INTS14: variants seen among roughly 807,000 people sequenced by gnomAD.
INTS14 encodes integrator complex subunit 14, also known as UPF0464 protein C15orf44.
INTS14 carries 27 observed loss-of-function variants against 56.9 expected under a neutral mutation model. That is an observed-to-expected ratio of 0.47 (90% CI 0.35 to 0.65). The LOEUF is 0.65. Ranked by LOEUF, INTS14 falls within the 30% of genes least tolerant of loss-of-function variation. INTS14 has a pLI of 0.00. For synonymous variants in INTS14, 207 were observed against 236.2 expected, an observed-to-expected ratio of 0.88 and a Z score of 1.13; for missense variants, 517 against 632.2, an observed-to-expected ratio of 0.82 and a Z score of 1.95.
chr15:65,602,584 C>T (rs964627419), intron 3 of INTS14, among the ~76,000 whole-genome samples: 1 of 151,860 alleles, frequency 6.6e-6, no homozygotes, highest in Non-Finnish European at 1.5e-5. Context: ...CGCGCCTGGC[C>T]AAAAATTCCA....
Position 65,579,250 on chromosome 15 carries a change from CATACTA to C in INTS14, c.*152_*157del. 1 of 1,016,208 alleles carries C rather than the reference CATACTA, an allele frequency of 9.8e-7. No individual in the cohort carries two copies. The highest frequency in any genetic ancestry group is 2.7e-5 in the Admixed American group (1 of 37,268). The allele number at this position is 1,016,208 out of a possible 1,614,324, so 62.9% of individuals were successfully genotyped here. A position where few individuals can be genotyped will look rare whatever the true frequency, so the allele number is the denominator to read the frequency against. Reference sequence around the variant, plus strand: ...CAGCCAACCACCTTCACATCCTTCTCATACTAGTAGAGTCATTCAAAACAGCAAGTG... The same window carrying C: ...CAGCCAACCACCTTCACATCCTTCTCGTAGAGTCATTCAAAACAGCAAGTG... On this transcript the variant is annotated 3_prime_UTR_variant, in exon 12 of 12. Coordinates refer to ENST00000313182, the MANE Select transcript of INTS14 (RefSeq NM_001394796.1).
chr15:65,607,356 C>T lies in INTS14; in HGVS notation c.25G>A (p.Val9Ile). The change falls in exon 2 of 12, where the codon GTA becomes ATA. Residue 9 changes from valine (V) to isoleucine (I), a missense_variant. By Grantham distance (29) the Val-to-Ile change is conservative. Transcript: ENST00000313182. ...ACAGGTCGGGTCATGGAAAGGGATA[C>T]ATCCATTACCACCACTGTCGGCATG... MPTVVVMD[V>I]SLSMTRPVSI... 2 of 1,614,180 alleles carry T rather than the reference C, an allele frequency of 1.2e-6. No homozygotes were observed. The highest frequency in any genetic ancestry group is 1.7e-6 in the Non-Finnish European group (2 of 1,180,014).
Position 65,596,719 on chromosome 15 carries a change from T to G in INTS14, c.749-894A>C, listed in dbSNP as rs1358112813. On this transcript the variant is annotated intron_variant, in intron 6 of 11. Transcript: ENST00000313182. ...CCAAGCAGCTGGGATTATAGACATG[T>G]GCCACCACGCCTGGCTAATTTTGTA... is the stretch of plus-strand genomic sequence containing the variant. 2.6e-5 allele frequency among the ~76,000 whole-genome samples: 4 copies of G among 152,130 alleles called. No individual in the cohort carries two copies. In the South Asian group the frequency reaches 6.2e-4, roughly 24 times the overall value.
At chr15:65,603,270 T>C (rs1393494611) in intron 3 of INTS14, among the ~76,000 whole-genome samples, 2 of 152,230 alleles carry the variant, frequency 1.3e-5, no homozygotes, top group Non-Finnish European at 2.9e-5. Context: ...AAAAATGTTT[T>C]TGTTGTTTTC....
chr15:65,593,320 A>G (rs2073098019), intron 8 of INTS14, 108 bp downstream of exon 8: 5 of 1,362,914 alleles, frequency 3.7e-6, no homozygotes, highest in Admixed American at 4.7e-5. Flanking sequence ...AGGAAAAGGA[A>G]AAAGGTGACA....
At chr15:65,608,132 T>G (rs941715944) in intron 1 of INTS14, among the ~76,000 whole-genome samples, 4 of 152,128 alleles carry the variant, frequency 2.6e-5, no homozygotes, top group African/African-American at 7.2e-5. Flanking sequence ...TCCCAACACT[T>G]TGAGAGGCCC....
intron 7 of INTS14, 147 bp downstream of exon 7, chr15:65,595,586 T>G (rs897757381): frequency 6.4e-6 from 4 of 626,370 alleles, no homozygotes; most frequent in Non-Finnish European, 8.3e-6. Flanking sequence ...TTTTGATATA[T>G]TAGGCAATAT....
At chr15:65,604,730 CAAAAA>C (rs1040822777) in intron 3 of INTS14, among the ~76,000 whole-genome samples, 2 of 62,528 alleles carry the variant, frequency 3.2e-5, no homozygotes, top group East Asian at 5.1e-4. Context: ...ACCCTGTCTC[CAAAAA>C]AAAAAAAAAA....
Position 65,579,012 on chromosome 15 carries a change from G to A in INTS14, c.*396C>T, listed in dbSNP as rs1172308096. ...TGAGTTGCTCATTCCATGAACAGAA[G>A]CTTGAAAATGCCCTTACAGTTGAGA... On this transcript the variant is annotated 3_prime_UTR_variant, in exon 12 of 12. Coordinates refer to ENST00000313182, the MANE Select transcript of INTS14 (RefSeq NM_001394796.1). 1 of 169,164 alleles carries A rather than the reference G, an allele frequency of 5.9e-6. No homozygotes were observed. The highest frequency in any genetic ancestry group is 1.3e-5 in the Non-Finnish European group (1 of 78,538). 10.5% of individuals were successfully genotyped at this position (169,164 alleles called of 1,614,324 possible).
intron 3 of INTS14, among the ~76,000 whole-genome samples, chr15:65,604,628 G>C (rs1596266564): frequency 1.3e-5 from 2 of 151,352 alleles, no homozygotes; most frequent in South Asian, 4.2e-4. Flanking sequence ...TACTCAGGAG[G>C]ACGAAGTGGG....
At chr15:65,591,779 T>C (rs1428550038) in intron 8 of INTS14, 48 bp from the exon 9 acceptor site, 3 of 1,598,624 alleles carry the variant, frequency 1.9e-6, no homozygotes, top group Non-Finnish European at 2.6e-6. Context: ...AGCCTGAGAC[T>C]GTCAAGTTAA....
At chr15:65,610,740 T>C (rs1218010309) in intron 1 of INTS14, 1 of 1,535,706 alleles carries the variant, frequency 6.5e-7, no homozygotes, top group Non-Finnish European at 8.7e-7. Context: ...TTCTCAGATA[T>C]AATTTCATCT....
chr15:65,603,997 T>C (rs11629787), intron 3 of INTS14, among the ~76,000 whole-genome samples: 32,123 of 152,152 alleles, frequency 0.21, 3,738 homozygotes, highest in African/African-American at 0.31. Flanking sequence ...ATAGAACAAA[T>C]TTCCAGTTAT....
In INTS14 at chr15:65,579,644, G is replaced by A. The variant is rs764541559; in HGVS notation, c.1321C>T (p.Arg441Ter). The A allele has an allele frequency of 3.1e-6, 5 of 1,613,550 alleles. No homozygotes were observed. Among genetic ancestry groups the A allele is most frequent in the Non-Finnish European group, 4.2e-6 (5 of 1,179,674 alleles). ...QTFYKELNRL[R>*]KAALAFGFLD... ...AAACCAAAGGCTAGAGCGGCCTTTC[G>A]CAAACGGTTCAGCTCCTGAAACAAG... The change falls in exon 12 of 12, where the codon CGA (arginine) becomes TGA (stop). Residue 441 changes from arginine to a stop codon, truncating the protein, a stop_gained. Transcript: ENST00000313182. LOFTEE classifies it high-confidence loss of function.
At chr15:65,588,646 C>T (rs117954972) in intron 9 of INTS14, among the ~76,000 whole-genome samples, 9,411 of 148,626 alleles carry the variant, frequency 0.063, 304 homozygotes, top group African/African-American at 0.092. Context: ...CCAGCCTGGG[C>T]GATGGAGTGA....
chr15:65,601,071 G>T (rs2073416511), intron 3 of INTS14, among the ~76,000 whole-genome samples: 1 of 152,076 alleles, frequency 6.6e-6, no homozygotes, highest in Non-Finnish European at 1.5e-5. Context: ...CAAACTCTAC[G>T]CCTGGTCAAC....
intron 7 of INTS14, 115 bp from the exon 8 acceptor site, chr15:65,593,687 A>C: frequency 8.2e-7 from 1 of 1,213,728 alleles, no homozygotes; most frequent in Non-Finnish European, 1.1e-6. Flanking sequence ...TTCTAAGGGA[A>C]TATTATAACA....
chr15:65,596,303 G>A (rs1311370596), intron 6 of INTS14, among the ~76,000 whole-genome samples: 1 of 152,052 alleles, frequency 6.6e-6, no homozygotes, highest in African/African-American at 2.4e-5. Context: ...CTTTATAGAC[G>A]CTGTAGTAAA....
chr15:65,599,947 G>A lies in INTS14; in HGVS notation c.331-18C>T, dbSNP rs1325488095. 6.2e-7 allele frequency: 1 copy of A among 1,607,264 alleles called. No homozygotes were observed. Among genetic ancestry groups the A allele is most frequent in the East Asian group, 2.2e-5 (1 of 44,828 alleles). On this transcript the variant is annotated intron_variant, in intron 3 of 11. Transcript: ENST00000313182. ...AGGACAACCTGTTTGTAAAAAGAGA[G>A]AGAGGAGGTTGTACATTAAATTACA...
Sources: allele counts gnomAD v4.1 joint callset (sites outside exome capture counted in the v4.1 genomes callset), GRCh38; gene constraint gnomAD v4.1.1; transcripts MANE v1.5; gene names NCBI Gene and HGNC (gene_info 2026-07-23, HGNC 2026-07-21).